The following RGS8 variants were observed in gnomAD, a reference collection of about 807,000 sequenced individuals.
RGS8 encodes regulator of G protein signaling 8, also known as regulator of G-protein signaling 8.
Under a neutral mutation model 21.7 loss-of-function variants are expected in RGS8, and 8 were observed. The ratio of observed to expected loss-of-function variants is 0.37; its 90% CI spans 0.22 to 0.66. The LOEUF (loss-of-function observed/expected upper bound fraction) is 0.66, where lower values mean the gene tolerates loss of function less well. Among genes scored for constraint, RGS8 ranks in the 30% least tolerant of loss-of-function variants. The pLI, the probability that RGS8 is intolerant of heterozygous loss-of-function variation, is 0.59. For synonymous variants in RGS8, 80 were observed against 83.6 expected (o/e 0.96, Z 0.24); for missense variants, 157 against 217.9 (o/e 0.72, Z 1.76).
At chr1:182,699,338 A>T in the RGS8 span, among the ~76,000 whole-genome samples, 1 of 152,162 alleles carries the variant, frequency 6.6e-6, no homozygotes. Context: ...TTCATGGTGT[A>T]TGTGGAAGGG....
intron 5 of RGS8, among the ~76,000 whole-genome samples, chr1:182,655,742 C>T (rs1288457337): frequency 6.6e-6 from 1 of 152,222 alleles, no homozygotes; most frequent in African/African-American, 2.4e-5. Context: ...TCGGTGTCCT[C>T]ATGGCAACTT....
downstream of RGS8, chr1:182,643,333 C>CCCCCCCCCCCCG (rs1320966882): frequency 4.7e-5 from 6 of 126,356 alleles, no homozygotes; most frequent in African/African-American, 1.8e-4. Context: ...GCCCCCCCGC[C>CCCCCCCCCCCCG]CCCGCGCTGT....
chr1:182,723,660 T>C, the RGS8 span, among the ~76,000 whole-genome samples: 1 of 152,132 alleles, frequency 6.6e-6, no homozygotes, highest in African/African-American at 2.4e-5. Context: ...GAGGAGACTA[T>C]GCAAGGGTCT....
At chr1:182,702,072 A>G in the RGS8 span, among the ~76,000 whole-genome samples, 1 of 152,234 alleles carries the variant, frequency 6.6e-6, no homozygotes, top group Admixed American at 6.5e-5. Context: ...CAGCAATCCC[A>G]TTACTGGGTA....
At chr1:182,739,484 C>G in the RGS8 span, among the ~76,000 whole-genome samples, 1 of 152,182 alleles carries the variant, frequency 6.6e-6, no homozygotes, top group East Asian at 1.9e-4. Context: ...GGCATACACA[C>G]AGTTTCTGGC....
chr1:182,737,354 C>T, the RGS8 span, among the ~76,000 whole-genome samples: 1 of 151,622 alleles, frequency 6.6e-6, no homozygotes, highest in East Asian at 1.9e-4. Context: ...ATTTTTTTAA[C>T]TTTGCCATAT....
the RGS8 span, among the ~76,000 whole-genome samples, chr1:182,724,825 T>C: frequency 7.2e-5 from 11 of 152,340 alleles, no homozygotes; most frequent in Admixed American, 5.9e-4. Flanking sequence ...CCCAAAGTGC[T>C]GGGATTACAG....
At chr1:182,681,236 G>T (rs115177016) in intron 1 of RGS8, among the ~76,000 whole-genome samples, 2,204 of 152,208 alleles carry the variant, frequency 0.014, 57 homozygotes, top group African/African-American at 0.05. Flanking sequence ...AAGCCATGGA[G>T]CTGAGAGGCA....
chr1:182,648,443 C>A, intron 5 of RGS8, 140 bp from the exon 7 acceptor site: 1 of 844,950 alleles, frequency 1.2e-6, no homozygotes, highest in Admixed American at 2.5e-5. Context: ...TCTTGAAGAC[C>A]CCATTCTCAT....
chr1:182,737,150 T>C, the RGS8 span, among the ~76,000 whole-genome samples: 26 of 152,130 alleles, frequency 1.7e-4, no homozygotes, highest in African/African-American at 5.8e-4. Flanking sequence ...GCTCTGCCTC[T>C]GTTGGTGGCA....
chr1:182,699,991 A>G, the RGS8 span, among the ~76,000 whole-genome samples: 1 of 152,140 alleles, frequency 6.6e-6, no homozygotes, highest in East Asian at 1.9e-4. Flanking sequence ...ACCCTGCAGG[A>G]GACTGGAGGG....
chr1:182,671,964 G>A (rs188200142), upstream of RGS8: 928 of 1,357,216 alleles, frequency 6.8e-4, 1 homozygote, highest in Non-Finnish European at 6.3e-4. Context: ...TCAGCTCCCG[G>A]GCACAGTCTG....
At chr1:182,693,143 A>G in the RGS8 span, among the ~76,000 whole-genome samples, 3 of 152,222 alleles carry the variant, frequency 2.0e-5, no homozygotes, top group Middle Eastern at 3.2e-3. Context: ...CTAATTAAAG[A>G]GCTTCTACAG....
chr1:182,734,300 T>C, the RGS8 span: 2 of 152,156 alleles, frequency 1.3e-5, no homozygotes, highest in African/African-American at 4.8e-5. Flanking sequence ...TCTATGGCCA[T>C]GCGGGTTTTA....
At chr1:182,661,537 AAGGAAGGGAGGG>A (rs1223954684) in intron 5 of RGS8, among the ~76,000 whole-genome samples, 1 of 151,960 alleles carries the variant, frequency 6.6e-6, no homozygotes, top group Non-Finnish European at 1.5e-5. Context: ...GAAATAAGGG[AAGGAAGGGAGGG>A]AGGAAGGGAG....
the RGS8 span, chr1:182,733,654 G>C: frequency 6.6e-6 from 1 of 152,276 alleles, no homozygotes; most frequent in Non-Finnish European, 1.5e-5. Flanking sequence ...AGCAGATAGA[G>C]CTAAGAATGA....
chr1:182,644,592 G>A (rs1222330003), downstream of RGS8: 1 of 152,182 alleles, frequency 6.6e-6, no homozygotes, highest in Non-Finnish European at 1.5e-5. Flanking sequence ...CGACACTCTT[G>A]TTCAGGCTTT....
chr1:182,653,815 G>A (rs1260835971), intron 5 of RGS8, among the ~76,000 whole-genome samples: 1 of 152,212 alleles, frequency 6.6e-6, no homozygotes, highest in Non-Finnish European at 1.5e-5. Context: ...CTGACAAAAT[G>A]TTGCACCCAG....
At chr1:182,733,017 G>A in the RGS8 span, among the ~76,000 whole-genome samples, 3 of 152,218 alleles carry the variant, frequency 2.0e-5, no homozygotes, top group Admixed American at 6.5e-5. Context: ...TGTTCCTAAT[G>A]TAAGGAACAT....
Sources: allele counts gnomAD v4.1 joint callset (sites outside exome capture counted in the v4.1 genomes callset), GRCh38; gene constraint gnomAD v4.1.1; transcripts MANE v1.5; gene names NCBI Gene and HGNC (gene_info 2026-07-23, HGNC 2026-07-21).